LATS1: variants seen among roughly 807,000 people sequenced by gnomAD.
The protein encoded by LATS1 is large tumor suppressor kinase 1.
Under a neutral mutation model 106.6 loss-of-function variants are expected in LATS1, and 25 were observed. The observed-to-expected ratio is 0.23, with a 90% CI of 0.17 to 0.33. The LOEUF is 0.33. Ranked by LOEUF, LATS1 falls within the 10% of genes least tolerant of loss-of-function variation. The pLI is 1.00. For synonymous variants in LATS1, 465 were observed against 455.6 expected (o/e 1.02, Z -0.26); for missense variants, 1,040 against 1,382.6 (o/e 0.75, Z 3.93).
At chr6:149,697,160 T>C (rs1291686400) in intron 2 of LATS1, 2 of 1,343,462 alleles carry the variant, frequency 1.5e-6, no homozygotes, top group African/African-American at 3.0e-5. Flanking sequence ...GACTAATGGG[T>C]GAACAGGCTA....
At chr6:149,700,750 A>G (rs548608249) in intron 2 of LATS1, among the ~76,000 whole-genome samples, 2 of 152,254 alleles carry the variant, frequency 1.3e-5, no homozygotes, top group African/African-American at 4.8e-5. Context: ...TATTTTTGCA[A>G]TCAGAAAAAA....
chr6:149,664,746 AT>A (rs1781055165), intron 7 of LATS1, among the ~76,000 whole-genome samples: 1 of 152,130 alleles, frequency 6.6e-6, no homozygotes, highest in African/African-American at 2.4e-5. Flanking sequence ...TAAAAAATTA[AT>A]TCTCACTATG....
At chr6:149,673,093 TTTC>T (rs1305365047) in intron 7 of LATS1, among the ~76,000 whole-genome samples, 3 of 126,156 alleles carry the variant, frequency 2.4e-5, no homozygotes, top group South Asian at 2.5e-4. Flanking sequence ...TTTCTTTTCT[TTTC>T]TTTTTTTTTT....
chr6:149,661,223 C>G lies in LATS1; in HGVS notation c.*506G>C, dbSNP rs1039357443. On this transcript the variant is annotated 3_prime_UTR_variant, in exon 8 of 8. Coordinates refer to ENST00000543571, the MANE Select transcript of LATS1 (RefSeq NM_004690.4). ...GTGAATTATACAGATTATCATTAGC[C>G]TAGGAACACTCACCAACACGATGGC... 4.3e-6 allele frequency: 1 copy of G among 230,332 alleles called. No individual in the cohort carries two copies. The highest frequency in any genetic ancestry group is 8.6e-6 in the Non-Finnish European group (1 of 116,514). 14.3% of individuals were successfully genotyped at this position (230,332 alleles called of 1,614,324 possible). A position where few individuals can be genotyped will look rare whatever the true frequency, so the allele number is the denominator to read the frequency against.
In LATS1 at chr6:149,695,127, C is replaced by G; in HGVS notation, c.443G>C (p.Arg148Pro). Reference sequence around the variant, plus strand: ...GGCAGCTGCTGCAGCCATCTGCTCTCGTCGAGGATCTTGGTAACTCATTTT... The same window carrying G: ...GGCAGCTGCTGCAGCCATCTGCTCTGGTCGAGGATCTTGGTAACTCATTTT... ...ISKMSYQDPR[R>P]EQMAAAAARP... Residue 148 changes from arginine (R) to proline (P), a missense_variant, in exon 3 of 8, where the codon CGA becomes CCA. Around this residue, in one of 7 missense-constraint regions of LATS1, gnomAD observed 624 missense variants for 714.8 expected, o/e 0.87. Coordinates refer to ENST00000543571, the MANE Select transcript of LATS1 (RefSeq NM_004690.4). 1 of 1,613,210 alleles carries G rather than the reference C, an allele frequency of 6.2e-7. No individual in the cohort carries two copies. Among genetic ancestry groups the G allele is most frequent in the African/African-American group, 1.3e-5 (1 of 74,974 alleles).
At chr6:149,688,747 T>A (rs139314543) in intron 3 of LATS1, among the ~76,000 whole-genome samples, 1 of 152,206 alleles carries the variant, frequency 6.6e-6, no homozygotes, top group Non-Finnish European at 1.5e-5. Context: ...AGCAGGTGAA[T>A]AAATAAATGA....
chr6:149,671,389 C>G (rs532193982), intron 7 of LATS1, among the ~76,000 whole-genome samples: 1 of 152,140 alleles, frequency 6.6e-6, no homozygotes, highest in African/African-American at 2.4e-5. Context: ...CCACCTTGGC[C>G]TCCCAAAGTG....
At chr6:149,704,798 T>G (rs977763997) in intron 1 of LATS1, among the ~76,000 whole-genome samples, 1 of 151,992 alleles carries the variant, frequency 6.6e-6, no homozygotes, top group African/African-American at 2.4e-5. Context: ...CTGAGTAAAC[T>G]TTATAGTATA....
chr6:149,682,694 G>A (rs1313004032), intron 4 of LATS1, among the ~76,000 whole-genome samples: 1 of 151,944 alleles, frequency 6.6e-6, no homozygotes, highest in Non-Finnish European at 1.5e-5. Flanking sequence ...GATTACAGGC[G>A]TGAGCCCCCA....
At position 149,676,263 on chromosome 6, in the gene LATS1, C is replaced by T. The variant is rs1320633717; in HGVS notation, c.2880G>A (p.Met960Ile). The change falls in exon 7 of 8, where the codon ATG (methionine) becomes ATA (isoleucine). Residue 960 changes from methionine to isoleucine, a missense_variant. This residue lies in a region of LATS1 where 113 missense variants were observed against 146.3 expected (regional missense o/e 0.77). Coordinates refer to ENST00000543571, the MANE Select transcript of LATS1 (RefSeq NM_004690.4). ...FLAQTPLETQMKVINWQTSLH... is the reference protein window; with the variant it reads ...FLAQTPLETQIKVINWQTSLH... ...TGATATAGATGCCATACCTTACCTT[C>T]ATTTGTGTTTCTAATGGTGTTTGTG... 1 of 1,601,056 alleles carries T rather than the reference C, an allele frequency of 6.2e-7. No individual in the cohort carries two copies. Among genetic ancestry groups the T allele is most frequent in the Admixed American group, 1.7e-5 (1 of 59,976 alleles).
In LATS1 at chr6:149,661,813, A is replaced by G. The variant is rs1780898334; in HGVS notation, c.3309T>C (p.Asn1103=). Residue 1103 remains asparagine, a synonymous_variant, in exon 8 of 8, where the codon AAT becomes AAC. Transcript: ENST00000543571. Reference sequence around the variant, plus strand: ...CCGACTGCTGCTCTGAGCCTTGTGAATTAATGTATTCATATTCAATAGGCT... The same window carrying G: ...CCGACTGCTGCTCTGAGCCTTGTGAGTTAATGTATTCATATTCAATAGGCT... The part of the protein sequence containing the change: ...YPKPIEYEYI[N]SQGSEQQSDE... 6.2e-7 allele frequency: 1 copy of G among 1,612,246 alleles called. No individual in the cohort carries two copies. The highest frequency in any genetic ancestry group is 1.3e-5 in the African/African-American group (1 of 74,830).
rs3924871 is a variant in LATS1 at position 149,662,080 on chromosome 6, G to A, written c.3042C>T (p.Asp1014=). The A allele has an allele frequency of 0.39, 630,630 of 1,613,612 alleles. 131,414 individuals are homozygous for A. Among genetic ancestry groups the A allele is most frequent in the East Asian group, 0.77 (34,599 of 44,854 alleles). ...ACTGCTGTCTCAGGTCACTGGAGAA[G>A]TCAATTGTTTTAAAAAATGGATGAG... ...IKAHPFFKTI[D]FSSDLRQQSA... The change falls in exon 8 of 8, where the codon GAC becomes GAT. Residue 1014 remains aspartate, a synonymous_variant. Transcript: ENST00000543571.
chr6:149,696,744 A>AT (rs1783112493), intron 2 of LATS1, among the ~76,000 whole-genome samples: 1 of 152,078 alleles, frequency 6.6e-6, no homozygotes, highest in Admixed American at 6.6e-5. Flanking sequence ...ACTATATATG[A>AT]TTATGTGATA....
chr6:149,663,687 T>G (rs913815786), intron 7 of LATS1, among the ~76,000 whole-genome samples: 2 of 151,870 alleles, frequency 1.3e-5, no homozygotes, highest in Non-Finnish European at 2.9e-5. Flanking sequence ...CAACTAATAA[T>G]AGAATATTTT....
intron 1 of LATS1, among the ~76,000 whole-genome samples, chr6:149,704,482 G>T (rs1481841476): frequency 6.6e-5 from 9 of 136,586 alleles, no homozygotes; most frequent in Admixed American, 2.5e-4. Flanking sequence ...AAACTTAGGG[G>T]TTTTTTTTTT....
At chr6:149,687,645 C>T (rs1052654419) in intron 3 of LATS1, among the ~76,000 whole-genome samples, 1 of 151,900 alleles carries the variant, frequency 6.6e-6, no homozygotes, top group Admixed American at 6.6e-5. Context: ...GTTGTCCAGG[C>T]TGGTCTCAAA....
intron 3 of LATS1, among the ~76,000 whole-genome samples, chr6:149,690,467 C>A (rs1461544997): frequency 1.3e-5 from 2 of 152,004 alleles, no homozygotes; most frequent in Non-Finnish European, 2.9e-5. Context: ...CCCGCCCCAG[C>A]CTCCCAAAGT....
At chr6:149,668,996 AT>A (rs550015369) in intron 7 of LATS1, among the ~76,000 whole-genome samples, 21 of 151,672 alleles carry the variant, frequency 1.4e-4, no homozygotes, top group African/African-American at 3.6e-4. Context: ...AATTAAAAAA[AT>A]TTTTTTGTAG....
At chr6:149,716,048 A>AT (rs1007653884) in intron 1 of LATS1, among the ~76,000 whole-genome samples, 93 of 145,788 alleles carry the variant, frequency 6.4e-4, no homozygotes, top group Middle Eastern at 3.5e-3. Flanking sequence ...ACAGATCGCC[A>AT]TTTTTTTTTT....
Sources: allele counts gnomAD v4.1 joint callset (sites outside exome capture counted in the v4.1 genomes callset), GRCh38; gene constraint gnomAD v4.1.1; regional missense constraint gnomAD v4.1.1; transcripts MANE v1.5; gene names NCBI Gene and HGNC (gene_info 2026-07-23, HGNC 2026-07-21).